GMDS: variants seen among roughly 807,000 people sequenced by gnomAD.
The protein encoded by GMDS is GDP-mannose 4,6-dehydratase, also known as GDP-mannose 4,6 dehydratase.
A neutral mutation model predicts 49.9 loss-of-function variants in GMDS; 20 were observed. That is an observed-to-expected ratio of 0.40 (90% CI 0.28 to 0.58). The LOEUF (loss-of-function observed/expected upper bound fraction) is 0.58. GMDS is among the 20% of genes least tolerant of loss of function. GMDS has a pLI of 0.42. For synonymous variants in GMDS, 177 were observed against 178.6 expected, an observed-to-expected ratio of 0.99 and a Z score of 0.07; for missense variants, 362 against 481.4, an observed-to-expected ratio of 0.75 and a Z score of 2.32.
At chr6:1,980,513 C>A (rs1293560968) in intron 4 of GMDS, among the ~76,000 whole-genome samples, 3 of 151,474 alleles carry the variant, frequency 2.0e-5, no homozygotes, top group African/African-American at 7.3e-5. Context: ...CTTACATATA[C>A]AAACACTCAA....
At chr6:1,789,607 C>A (rs1462811713) in intron 7 of GMDS, among the ~76,000 whole-genome samples, 2 of 150,498 alleles carry the variant, frequency 1.3e-5, no homozygotes, top group East Asian at 1.9e-4. Context: ...GCGATCACGG[C>A]TCCCTGCAGT....
intron 8 of GMDS, among the ~76,000 whole-genome samples, chr6:1,736,204 A>G (rs368573866): frequency 1.7e-4 from 26 of 152,340 alleles, no homozygotes; most frequent in East Asian, 5.8e-4. Context: ...TGTTGCTCCA[A>G]CAAAGGCACT....
At chr6:2,197,905 G>C (rs1249266741) in intron 1 of GMDS, among the ~76,000 whole-genome samples, 1 of 152,162 alleles carries the variant, frequency 6.6e-6, no homozygotes, top group Non-Finnish European at 1.5e-5. Context: ...CTGTTATTGA[G>C]AAACAACACA....
intron 7 of GMDS, among the ~76,000 whole-genome samples, chr6:1,868,206 C>T (rs1035190482): frequency 3.3e-5 from 5 of 152,060 alleles, no homozygotes; most frequent in Non-Finnish European, 7.4e-5. Context: ...AGGCTGGTCT[C>T]GAACTCCTGA....
At chr6:1,895,341 CAA>C (rs1395712449) in intron 7 of GMDS, among the ~76,000 whole-genome samples, 1 of 152,130 alleles carries the variant, frequency 6.6e-6, no homozygotes, top group East Asian at 1.9e-4. Context: ...TTCCTCTGGT[CAA>C]AATGAACTAT....
chr6:1,941,873 T>G (rs549233817), intron 6 of GMDS, among the ~76,000 whole-genome samples: 13 of 152,136 alleles, frequency 8.5e-5, no homozygotes, highest in Non-Finnish European at 1.8e-4. Context: ...GTTCAGATGT[T>G]CTGAGGACTT....
chr6:1,783,193 C>T (rs1427343871), intron 7 of GMDS, among the ~76,000 whole-genome samples: 1 of 152,104 alleles, frequency 6.6e-6, no homozygotes, highest in Non-Finnish European at 1.5e-5. Flanking sequence ...GGTTAAGAAA[C>T]TGGTATAACT....
intron 7 of GMDS, among the ~76,000 whole-genome samples, chr6:1,859,063 T>C (rs1036438672): frequency 6.6e-6 from 1 of 152,174 alleles, no homozygotes; most frequent in African/African-American, 2.4e-5. Flanking sequence ...TGTGCTTTGT[T>C]TGCAGTCAGA....
At chr6:2,077,978 A>G (rs1772445842) in intron 4 of GMDS, among the ~76,000 whole-genome samples, 1 of 151,990 alleles carries the variant, frequency 6.6e-6, no homozygotes, top group African/African-American at 2.4e-5. Context: ...TGGTTTGTTC[A>G]GGCTTTCTGT....
chr6:2,179,517 T>G (rs1778426385), intron 1 of GMDS, among the ~76,000 whole-genome samples: 1 of 152,206 alleles, frequency 6.6e-6, no homozygotes. Flanking sequence ...ATTCTCATTC[T>G]TTTGTTCTCC....
In GMDS at chr6:2,176,134, G is replaced by A. The variant is rs1778272458; in HGVS notation, c.103-51403C>T. On this transcript the variant is annotated intron_variant, in intron 1 of 10. Transcript: ENST00000380815. Reference sequence around the variant, plus strand: ...CCCCCTTCTACAACCAGGGATGACTGCCTCCCCACATCAGTTACTTTTGCT... The same window carrying A: ...CCCCCTTCTACAACCAGGGATGACTACCTCCCCACATCAGTTACTTTTGCT... 8.4e-6 allele frequency: 5 copies of A among 597,338 alleles called. 1 individual carries two copies. In the South Asian group the frequency reaches 1.1e-4, roughly 13 times the overall value. 37.0% of individuals were successfully genotyped at this position (597,338 alleles called of 1,614,324 possible).
chr6:1,699,527 C>T lies in GMDS; in HGVS notation c.987+26889G>A, dbSNP rs533031845. Reference sequence around the variant, plus strand: ...AGGGCTGGCTGCCTCTAGAGGCTCCCGGAAAGAACCCGTTCCCTTGCCTTG... The same window carrying T: ...AGGGCTGGCTGCCTCTAGAGGCTCCTGGAAAGAACCCGTTCCCTTGCCTTG... On this transcript the variant is annotated intron_variant, in intron 9 of 10. Transcript: ENST00000380815. Among the ~76,000 whole-genome samples the T allele has an allele frequency of 9.9e-5, 15 of 152,200 alleles. No individual in the cohort carries two copies. The East Asian group carries it at 1.5e-3, about 16-fold the overall frequency.
rs1009728494 is a variant in GMDS at position 2,047,791 on chromosome 6, T to C, written c.345+67980A>G. Among the ~76,000 whole-genome samples, 106 of 152,258 alleles carry C rather than the reference T, an allele frequency of 7.0e-4. 1 individual carries two copies. Among genetic ancestry groups the C allele is most frequent in the African/African-American group, 2.5e-3 (103 of 41,560 alleles). On this transcript the variant is annotated intron_variant, in intron 4 of 10. Transcript: ENST00000380815. ...GGCATGAGCCACTGCACTCAGCCCGTTCACACAATTTTTAAGCATAAAATT... is the reference window on the plus strand; with the variant it reads ...GGCATGAGCCACTGCACTCAGCCCGCTCACACAATTTTTAAGCATAAAATT...
At chr6:1,786,262 G>C (rs753938200) in intron 7 of GMDS, among the ~76,000 whole-genome samples, 7 of 152,350 alleles carry the variant, frequency 4.6e-5, no homozygotes, top group Non-Finnish European at 1.0e-4. Context: ...CAATGAGGTT[G>C]ATAACTGTGA....
intron 1 of GMDS, among the ~76,000 whole-genome samples, chr6:2,144,210 G>A (rs1776441999): frequency 6.6e-6 from 1 of 152,150 alleles, no homozygotes; most frequent in Non-Finnish European, 1.5e-5. Context: ...AGAGGGCAAA[G>A]GAAGATTACA....
intron 4 of GMDS, among the ~76,000 whole-genome samples, chr6:1,965,553 T>C (rs1183624929): frequency 6.6e-6 from 1 of 152,214 alleles, no homozygotes; most frequent in Non-Finnish European, 1.5e-5. Context: ...CCAGGCACAG[T>C]GGCTCACACC....
At chr6:1,708,408 G>A (rs1414856470) in intron 9 of GMDS, among the ~76,000 whole-genome samples, 1 of 152,190 alleles carries the variant, frequency 6.6e-6, no homozygotes, top group Admixed American at 6.5e-5. Context: ...AACCACCTCT[G>A]AAGGCGTTGT....
intron 7 of GMDS, among the ~76,000 whole-genome samples, chr6:1,837,665 T>C (rs1273046852): frequency 6.6e-6 from 1 of 152,218 alleles, no homozygotes; most frequent in African/African-American, 2.4e-5. Flanking sequence ...ATGTGAATAC[T>C]GCACTCAATG....
Position 1,929,650 on chromosome 6 carries a change from C to T in GMDS, c.771+453G>A, listed in dbSNP as rs991219698. On this transcript the variant is annotated intron_variant, in intron 7 of 10. Coordinates refer to ENST00000380815, the MANE Select transcript of GMDS (RefSeq NM_001500.4). ...TGTGTGATGTAATAACCAGACTCTT[C>T]AGCAGCAGAAAGCAGAGTTCCATAA... Among the ~76,000 whole-genome samples the T allele has an allele frequency of 6.0e-5, 8 of 133,382 alleles. No individual in the cohort carries two copies. The Admixed American group carries it at 6.3e-4, about 11-fold the overall frequency. The allele number at this position is 133,382 out of a possible 152,430, so 87.5% of individuals were successfully genotyped here. A position where few individuals can be genotyped will look rare whatever the true frequency, so the allele number is the denominator to read the frequency against.
Sources: gnomAD v4.1 joint callset for allele counts (sites outside exome capture counted in the v4.1 genomes callset) on GRCh38, gnomAD v4.1.1 for gene constraint, MANE v1.5 for transcripts, NCBI Gene and HGNC (gene_info 2026-07-23, HGNC 2026-07-21) for gene names.